The following LRRC4C variants were observed in gnomAD, a reference collection of about 807,000 sequenced individuals.
LRRC4C encodes the protein leucine rich repeat containing 4C, also known as leucine-rich repeat-containing protein 4C.
LRRC4C carries 5 observed loss-of-function variants against 33.6 expected under a neutral mutation model. The observed-to-expected ratio is 0.15, with a 90% CI of 0.08 to 0.31. LRRC4C has a LOEUF of 0.31. LRRC4C is among the 10% of genes least tolerant of loss of function. The pLI is 1.00. For synonymous variants in LRRC4C, 329 were observed against 302.0 expected, an observed-to-expected ratio of 1.09 and a Z score of -0.93; for missense variants, 560 against 796.7, an observed-to-expected ratio of 0.70 and a Z score of 3.58.
At position 40,552,481 on chromosome 11, in the gene LRRC4C, T is replaced by C. The variant is rs187614642; in HGVS notation, c.-270+95661A>G. On this transcript the variant is annotated intron_variant, in intron 3 of 6. Coordinates refer to ENST00000528697, the MANE Select transcript of LRRC4C (RefSeq NM_001258419.2). ...ATCCTGAGTGGTAGAAATCTCTATATTTAAGGAACCCCCCACAATGTAGGG... is the reference window on the plus strand; with the variant it reads ...ATCCTGAGTGGTAGAAATCTCTATACTTAAGGAACCCCCCACAATGTAGGG... Among the ~76,000 whole-genome samples, 469 of 152,232 alleles carry C rather than the reference T, an allele frequency of 3.1e-3. 3 individuals are homozygous for C. Among genetic ancestry groups the C allele is most frequent in the Non-Finnish European group, 4.9e-3 (331 of 68,020 alleles).
At chr11:41,171,876 T>C (rs1191124815) in intron 1 of LRRC4C, among the ~76,000 whole-genome samples, 1 of 151,968 alleles carries the variant, frequency 6.6e-6, no homozygotes, top group Non-Finnish European at 1.5e-5. Context: ...AAAAGGCATG[T>C]AGATACTGAA....
chr11:40,543,848 T>G (rs1469073958), intron 3 of LRRC4C, among the ~76,000 whole-genome samples: 1 of 152,076 alleles, frequency 6.6e-6, no homozygotes, highest in Non-Finnish European at 1.5e-5. Context: ...ATTTTTTTTG[T>G]ATTAAAATAC....
At chr11:41,211,720 C>T (rs1441622622) in intron 1 of LRRC4C, among the ~76,000 whole-genome samples, 1 of 152,134 alleles carries the variant, frequency 6.6e-6, no homozygotes, top group African/African-American at 2.4e-5. Context: ...TTTCTTAATC[C>T]AGTCTATGAT....
chr11:40,524,001 C>T (rs1955934246), intron 3 of LRRC4C, among the ~76,000 whole-genome samples: 1 of 152,256 alleles, frequency 6.6e-6, no homozygotes, highest in East Asian at 1.9e-4. Context: ...TCCAATCTAA[C>T]TTTAATGGCA....
chr11:40,242,433 G>T lies in LRRC4C; in HGVS notation c.-175-835C>A, dbSNP rs551703195. ...TCCTTTTCATTATTACTGCTTTCTA[G>T]CAGAAAATCAGAAAGTCGGGGAATG... is the stretch of plus-strand genomic sequence containing the variant. On this transcript the variant is annotated intron_variant, in intron 4 of 6. Transcript: ENST00000528697. 2.5e-4 allele frequency among the ~76,000 whole-genome samples: 38 copies of T among 152,054 alleles called. No homozygotes were observed. In the South Asian group the frequency reaches 6.6e-3, roughly 27 times the overall value.
At chr11:41,416,685 G>A (rs1262663351) in intron 1 of LRRC4C, among the ~76,000 whole-genome samples, 1 of 151,954 alleles carries the variant, frequency 6.6e-6, no homozygotes, top group African/African-American at 2.4e-5. Context: ...TGTACCAAGG[G>A]ACTTTACTAA....
chr11:40,114,290 A>G lies in LRRC4C; in HGVS notation c.*80T>C. 1.4e-6 allele frequency: 2 copies of G among 1,406,666 alleles called. No homozygotes were observed. The highest frequency in any genetic ancestry group is 1.9e-6 in the Non-Finnish European group (2 of 1,054,542). 87.1% of individuals were successfully genotyped at this position (1,406,666 alleles called of 1,614,324 possible). On this transcript the variant is annotated 3_prime_UTR_variant, in exon 7 of 7. Transcript: ENST00000528697. Reference sequence around the variant, plus strand: ...TAAAGACACTTTTTTGAAACAGTAGATTTAGCCCAGTCATTTGTGTCATTT... The same window carrying G: ...TAAAGACACTTTTTTGAAACAGTAGGTTTAGCCCAGTCATTTGTGTCATTT...
At chr11:40,278,657 T>C (rs940816744) in intron 4 of LRRC4C, among the ~76,000 whole-genome samples, 1 of 152,146 alleles carries the variant, frequency 6.6e-6, no homozygotes, top group African/African-American at 2.4e-5. Flanking sequence ...AATTCCTTAG[T>C]TATTACAACT....
At chr11:41,063,226 T>C (rs1019774731) in intron 1 of LRRC4C, among the ~76,000 whole-genome samples, 14 of 152,204 alleles carry the variant, frequency 9.2e-5, no homozygotes, top group Non-Finnish European at 1.0e-4. Flanking sequence ...GAGAAAACTA[T>C]ACCTTTATTA....
intron 1 of LRRC4C, among the ~76,000 whole-genome samples, chr11:41,328,097 G>C (rs1330446876): frequency 2.0e-5 from 3 of 152,170 alleles, no homozygotes; most frequent in African/African-American, 7.2e-5. Context: ...AATGTCTCCT[G>C]TGTGCACAGA....
At chr11:41,354,893 C>T (rs889487285) in intron 1 of LRRC4C, among the ~76,000 whole-genome samples, 2 of 151,936 alleles carry the variant, frequency 1.3e-5, no homozygotes, top group African/African-American at 4.8e-5. Context: ...AAATATAAAA[C>T]CCTAAAAGAA....
chr11:40,824,137 G>C (rs989741973), intron 2 of LRRC4C, among the ~76,000 whole-genome samples: 1 of 151,948 alleles, frequency 6.6e-6, no homozygotes, highest in Non-Finnish European at 1.5e-5. Context: ...CAAAGACAGG[G>C]AGTAGAAATG....
At chr11:41,379,826 G>A (rs181272398) in intron 1 of LRRC4C, among the ~76,000 whole-genome samples, 13 of 152,190 alleles carry the variant, frequency 8.5e-5, no homozygotes, top group South Asian at 2.1e-4. Context: ...CTATGTCTTC[G>A]TAATTATTCT....
intron 3 of LRRC4C, among the ~76,000 whole-genome samples, chr11:40,575,104 G>A (rs561166429): frequency 6.6e-6 from 1 of 152,014 alleles, no homozygotes; most frequent in Admixed American, 6.6e-5. Context: ...TCAGGACAAT[G>A]GAATCATCAC....
chr11:40,716,129 A>T (rs1295905857), intron 2 of LRRC4C, among the ~76,000 whole-genome samples: 2 of 152,186 alleles, frequency 1.3e-5, no homozygotes, highest in Non-Finnish European at 2.9e-5. Flanking sequence ...ACATGCAAGA[A>T]ATTCAAATGC....
At chr11:40,294,741 T>C (rs1944422758) in intron 4 of LRRC4C, among the ~76,000 whole-genome samples, 1 of 151,926 alleles carries the variant, frequency 6.6e-6, no homozygotes, top group Non-Finnish European at 1.5e-5. Context: ...GCAGGATAAT[T>C]GCTTGAACCC....
At chr11:40,786,947 T>C (rs1365484309) in intron 2 of LRRC4C, among the ~76,000 whole-genome samples, 1 of 152,138 alleles carries the variant, frequency 6.6e-6, no homozygotes, top group Non-Finnish European at 1.5e-5. Context: ...GTCAAGGTTT[T>C]TGGTTCCTCC....
At chr11:41,154,687 T>C (rs1296661251) in intron 1 of LRRC4C, among the ~76,000 whole-genome samples, 2 of 152,184 alleles carry the variant, frequency 1.3e-5, no homozygotes, top group Non-Finnish European at 2.9e-5. Flanking sequence ...ATTACAGAAC[T>C]AATTGATATC....
At chr11:41,108,716 A>G (rs1328883371) in intron 1 of LRRC4C, among the ~76,000 whole-genome samples, 1 of 152,148 alleles carries the variant, frequency 6.6e-6, no homozygotes, top group African/African-American at 2.4e-5. Context: ...ACCCTTGACA[A>G]ATAGTCCCCA....
Sources: gnomAD v4.1 joint callset for allele counts (sites outside exome capture counted in the v4.1 genomes callset) on GRCh38, gnomAD v4.1.1 for gene constraint, MANE v1.5 for transcripts, NCBI Gene and HGNC (gene_info 2026-07-23, HGNC 2026-07-21) for gene names.